RAB2A: variants seen among roughly 807,000 people sequenced by gnomAD.
RAB2A encodes the protein RAB2A, member RAS oncogene family.
Under a neutral mutation model 32.5 loss-of-function variants are expected in RAB2A, and 7 were observed. That is an observed-to-expected ratio of 0.22 (90% confidence interval 0.12 to 0.40). RAB2A has a LOEUF of 0.40. Among genes scored for constraint, RAB2A ranks in the 10% least tolerant of loss-of-function variants. The probability of loss-of-function intolerance (pLI) is 1.00; values close to 1 mark genes in which losing one functional copy is unlikely to be tolerated. For synonymous variants in RAB2A, 79 were observed against 85.2 expected (o/e 0.93, Z 0.40); for missense variants, 108 against 260.7 (o/e 0.41, Z 4.03).
At chr8:60,531,295 G>A (rs1165239666) in intron 1 of RAB2A, among the ~76,000 whole-genome samples, 3 of 152,152 alleles carry the variant, frequency 2.0e-5, no homozygotes, top group Non-Finnish European at 4.4e-5. Context: ...AAAATTTTCC[G>A]AGAGCCTGGT....
chr8:60,535,904 A>G (rs1305759864), intron 1 of RAB2A, among the ~76,000 whole-genome samples: 3 of 152,190 alleles, frequency 2.0e-5, no homozygotes, highest in African/African-American at 7.2e-5. Flanking sequence ...GGCTCAGTCT[A>G]GGACACCTGT....
At chr8:60,612,607 T>C (rs1006482821) in intron 6 of RAB2A, among the ~76,000 whole-genome samples, 23 of 152,336 alleles carry the variant, frequency 1.5e-4, no homozygotes, top group Admixed American at 2.0e-4. Context: ...AGGAAAGATA[T>C]ATGTAGTGAG....
rs144208375 is a variant in RAB2A, at chr8:60,591,613, G to A, written c.363-245G>A. 782 of 301,344 alleles carry A rather than the reference G, an allele frequency of 2.6e-3. 4 individuals carry two copies. Among genetic ancestry groups the A allele is most frequent in the African/African-American group, 0.015 (697 of 47,098 alleles). 18.7% of individuals were successfully genotyped at this position (301,344 alleles called of 1,614,324 possible). On this transcript the variant is annotated intron_variant, in intron 5 of 7. Transcript: ENST00000262646. Reference sequence around the variant, plus strand: ...TAGACTAGAGGCTCCCTTAAGTTACGGCTAGTTCTAACGTTCTAAAGCTCT... The same window carrying A: ...TAGACTAGAGGCTCCCTTAAGTTACAGCTAGTTCTAACGTTCTAAAGCTCT...
At chr8:60,561,246 T>A (rs570172328) in intron 2 of RAB2A, among the ~76,000 whole-genome samples, 2 of 152,252 alleles carry the variant, frequency 1.3e-5, no homozygotes, top group Non-Finnish European at 2.9e-5. Context: ...TTAAATTCCC[T>A]ATGCCCTATG....
Position 60,620,806 on chromosome 8 carries a change from C to T in RAB2A, c.*37C>T. On this transcript the variant is annotated 3_prime_UTR_variant, in exon 8 of 8. Coordinates refer to ENST00000262646, the MANE Select transcript of RAB2A (RefSeq NM_002865.3). ...CTGTCTAGCTGCCCAACGGGGCCTA[C>T]TCACTTATTCTTTCACCCCCTCTCC... is the stretch of plus-strand genomic sequence containing the variant. 2 of 1,547,854 alleles carry T rather than the reference C, an allele frequency of 1.3e-6. No homozygotes were observed. The highest frequency in any genetic ancestry group is 1.8e-6 in the Non-Finnish European group (2 of 1,140,700).
At position 60,517,140 on chromosome 8, in the gene RAB2A, T is replaced by C; in HGVS notation, c.-68T>C. 7.0e-7 allele frequency: 1 copy of C among 1,427,626 alleles called. No homozygotes were observed. The highest frequency in any genetic ancestry group is 9.3e-7 in the Non-Finnish European group (1 of 1,077,484). 88.4% of individuals were successfully genotyped at this position (1,427,626 alleles called of 1,614,324 possible). A position where few individuals can be genotyped will look rare whatever the true frequency, so the allele number is the denominator to read the frequency against. On this transcript the variant is annotated 5_prime_UTR_variant, in exon 1 of 8. Coordinates refer to ENST00000262646, the MANE Select transcript of RAB2A (RefSeq NM_002865.3). ...GTTTCGAGGCTGAGCGGCACCGGGG[T>C]TGGGGCGCGGAGGAGGAGCAGCAGC...
At chr8:60,530,613 G>T (rs960889290) in intron 1 of RAB2A, among the ~76,000 whole-genome samples, 7 of 151,896 alleles carry the variant, frequency 4.6e-5, no homozygotes, top group Admixed American at 4.6e-4. Context: ...TTTAAAAAAG[G>T]CCTATTTTTT....
At chr8:60,569,935 T>C (rs912653030) in intron 2 of RAB2A, 23 of 455,856 alleles carry the variant, frequency 5.0e-5, no homozygotes, top group Non-Finnish European at 9.3e-5. Flanking sequence ...AGTTGGAAAC[T>C]TGGTCTTGGA....
chr8:60,529,156 A>G (rs1807438393), intron 1 of RAB2A, among the ~76,000 whole-genome samples: 1 of 151,122 alleles, frequency 6.6e-6, no homozygotes. Flanking sequence ...TGACTTTATT[A>G]CACTTAGAGA....
chr8:60,562,773 A>C (rs1411256767), intron 2 of RAB2A, among the ~76,000 whole-genome samples: 1 of 152,156 alleles, frequency 6.6e-6, no homozygotes, highest in Non-Finnish European at 1.5e-5. Context: ...CATTTTTTAA[A>C]GTGAAAGCCG....
chr8:60,542,035 A>G (rs557685459), intron 1 of RAB2A, among the ~76,000 whole-genome samples: 2 of 152,294 alleles, frequency 1.3e-5, no homozygotes, highest in Admixed American at 1.3e-4. Flanking sequence ...ACCCTCCCCT[A>G]CCTCACCAAA....
chr8:60,620,797 CG>C lies in RAB2A; in HGVS notation c.*32del. The C allele has an allele frequency of 6.3e-7, 1 of 1,589,600 alleles. No individual in the cohort carries two copies. The highest frequency in any genetic ancestry group is 8.6e-7 in the Non-Finnish European group (1 of 1,166,656). ...CTGTTTTTACTGTCTAGCTGCCCAACGGGGCCTACTCACTTATTCTTTCACC... is the reference window on the plus strand; with the variant it reads ...CTGTTTTTACTGTCTAGCTGCCCAACGGGCCTACTCACTTATTCTTTCACC... On this transcript the variant is annotated 3_prime_UTR_variant, in exon 8 of 8. Coordinates refer to ENST00000262646, the MANE Select transcript of RAB2A (RefSeq NM_002865.3).
chr8:60,526,258 A>G (rs1410054372), intron 1 of RAB2A, among the ~76,000 whole-genome samples: 1 of 151,964 alleles, frequency 6.6e-6, no homozygotes. Context: ...ATGAAACTGT[A>G]GGGCTGAGAC....
intron 6 of RAB2A, among the ~76,000 whole-genome samples, chr8:60,610,028 A>C (rs1205337466): frequency 2.0e-5 from 3 of 151,526 alleles, no homozygotes; most frequent in South Asian, 4.2e-4. Context: ...TTCTTCCTTC[A>C]GTAGCTGCCT....
chr8:60,523,124 A>G (rs891185420), intron 1 of RAB2A, among the ~76,000 whole-genome samples: 4 of 151,822 alleles, frequency 2.6e-5, no homozygotes, highest in Non-Finnish European at 5.9e-5. Flanking sequence ...TTAAAGAATA[A>G]TGATAAACAC....
chr8:60,546,761 A>G (rs1312830025), intron 1 of RAB2A, among the ~76,000 whole-genome samples: 1 of 152,196 alleles, frequency 6.6e-6, no homozygotes, highest in African/African-American at 2.4e-5. Flanking sequence ...TGCAAAGGCC[A>G]AGTAGTTTTT....
intron 1 of RAB2A, among the ~76,000 whole-genome samples, chr8:60,525,278 TAA>T (rs1436533473): frequency 6.6e-6 from 1 of 152,194 alleles, no homozygotes; most frequent in Non-Finnish European, 1.5e-5. Flanking sequence ...GATGGTTTTA[TAA>T]GTGTTTGACA....
At chr8:60,522,201 C>A (rs1032850372) in intron 1 of RAB2A, among the ~76,000 whole-genome samples, 6 of 152,106 alleles carry the variant, frequency 3.9e-5, no homozygotes, top group Non-Finnish European at 8.8e-5. Context: ...GAAGGCAGAT[C>A]CCAGAGAGGG....
Position 60,609,680 on chromosome 8 carries a change from G to A in RAB2A, c.475-8900G>A, listed in dbSNP as rs115147142. Among the ~76,000 whole-genome samples, 386 of 152,136 alleles carry A rather than the reference G, an allele frequency of 2.5e-3. 1 individual carries two copies. Among genetic ancestry groups the A allele is most frequent in the African/African-American group, 7.3e-3 (304 of 41,526 alleles). ...AAACATGAGATTTTAGAAAATCCAG[G>A]TGAGGCTGGGTATGGTAGCTCACAC... On this transcript the variant is annotated intron_variant, in intron 6 of 7. Coordinates refer to ENST00000262646, the MANE Select transcript of RAB2A (RefSeq NM_002865.3).
Sources: gnomAD v4.1 joint callset for allele counts (sites outside exome capture counted in the v4.1 genomes callset) on GRCh38, gnomAD v4.1.1 for gene constraint, MANE v1.5 for transcripts, NCBI Gene and HGNC (gene_info 2026-07-23, HGNC 2026-07-21) for gene names.